POLR1C: variants seen among roughly 807,000 people sequenced by gnomAD.
The protein encoded by POLR1C is DNA-directed RNA polymerases I and III subunit RPAC1.
Under a neutral mutation model 38.3 loss-of-function variants are expected in POLR1C, and 42 were observed. That is an observed-to-expected ratio of 1.10 (90% CI 0.86 to 1.42). POLR1C has a LOEUF of 1.42. Ranked by LOEUF, POLR1C falls within the 40% of genes most tolerant of loss-of-function variation. The pLI, the probability that POLR1C is intolerant of heterozygous loss-of-function variation, is 0.00. For missense variants in POLR1C, 507 were observed against 450.5 expected (o/e 1.13, Z -1.14); for synonymous variants, 163 against 163.9 (o/e 0.99, Z 0.04).
chr6:43,530,534 T>G, downstream of POLR1C: 1 of 895,450 alleles, frequency 1.1e-6, no homozygotes, highest in Non-Finnish European at 1.6e-6. Context: ...TTCCCTGCAA[T>G]CTGCCAGTGT....
chr6:43,520,355 G>C lies in POLR1C; in HGVS notation c.583G>C (p.Asp195His), dbSNP rs759760533. Residue 195 changes from aspartate (D) to histidine (H), a missense_variant, in exon 6 of 9, where the codon GAT becomes CAT. Asp to His is a moderately conservative substitution (Grantham distance 81). Transcript: ENST00000642195. ...FPEGTIRPVH[D>H]DILIAQLRPG... ...AGAGGGCACTATCCGACCAGTGCATGATGATATCCTCATCGCTCAGCTGCG... is the reference window on the plus strand; with the variant it reads ...AGAGGGCACTATCCGACCAGTGCATCATGATATCCTCATCGCTCAGCTGCG... 6.2e-5 allele frequency: 100 copies of C among 1,613,650 alleles called. No homozygotes were observed. In the Admixed American group the frequency reaches 1.6e-3, roughly 26 times the overall value.
At chr6:43,528,472 C>T (rs1402876549) in intron 8 of POLR1C, among the ~76,000 whole-genome samples, 1 of 151,968 alleles carries the variant, frequency 6.6e-6, no homozygotes, top group Non-Finnish European at 1.5e-5. Flanking sequence ...GGTCTCTAGA[C>T]ATACCTGTTC....
downstream of POLR1C, among the ~76,000 whole-genome samples, chr6:43,532,287 C>T (rs1413251201): frequency 1.3e-5 from 2 of 152,208 alleles, no homozygotes; most frequent in Non-Finnish European, 2.9e-5. Flanking sequence ...CTGAAACAGA[C>T]AGACATGAGT....
intron 8 of POLR1C, chr6:43,527,416 C>T: frequency 2.3e-6 from 1 of 433,038 alleles, no homozygotes; most frequent in Non-Finnish European, 4.2e-6. Context: ...GGACTACAGG[C>T]CTGCGCGCCA....
chr6:43,529,378 TAAAA>T (rs35493258), exon 9 of POLR1C: 814 of 120,152 alleles, frequency 6.8e-3, no homozygotes, highest in South Asian at 9.7e-3. Context: ...CCGTCTCTAC[TAAAA>T]AAAAAAAAAA....
intron 9 of POLR1C, among the ~76,000 whole-genome samples, chr6:43,538,109 G>A (rs1269742905): frequency 1.5e-5 from 2 of 135,782 alleles, no homozygotes; most frequent in African/African-American, 2.7e-5. Context: ...AAAAGGCAAG[G>A]AACTTATAAA....
rs142623451 is a variant in POLR1C at position 43,534,943 on chromosome 6, C to T, written c.*4+5584C>T. 4.3e-4 allele frequency among the ~76,000 whole-genome samples: 65 copies of T among 151,870 alleles called. No individual in the cohort carries two copies. The East Asian group carries it at 0.011, about 26-fold the overall frequency. ...TTGCGAGGCAGAGGTTGTGGTGAGCCGAGATCATACCACTGCACTCCAGCC... is the reference window on the plus strand; with the variant it reads ...TTGCGAGGCAGAGGTTGTGGTGAGCTGAGATCATACCACTGCACTCCAGCC... On this transcript the variant is annotated intron_variant, in intron 9 of 10. Transcript: ENST00000607635.
intron 3 of POLR1C, 87 bp from the exon 4 acceptor site, chr6:43,519,619 C>G (rs1793031299): frequency 2.6e-6 from 4 of 1,544,918 alleles, no homozygotes; most frequent in African/African-American, 1.4e-5. Context: ...AGAGAGATAG[C>G]TCCCTACCTC....
At chr6:43,537,402 C>A (rs1200665977) in intron 9 of POLR1C, among the ~76,000 whole-genome samples, 1 of 152,098 alleles carries the variant, frequency 6.6e-6, no homozygotes, top group Non-Finnish European at 1.5e-5. Context: ...TGCTAAAAAA[C>A]TGAACTGGTA....
intron 9 of POLR1C, among the ~76,000 whole-genome samples, chr6:43,538,082 CAAAAAAAAAA>C (rs1217531011): frequency 2.8e-5 from 1 of 36,130 alleles, no homozygotes; most frequent in Non-Finnish European, 5.8e-5. Context: ...AAGATGGTCT[CAAAAAAAAAA>C]AAAAAAAAAA....
chr6:43,558,403 G>A (rs1405017985), intron 10 of POLR1C: 2 of 1,086,922 alleles, frequency 1.8e-6, no homozygotes, highest in African/African-American at 3.2e-5. Flanking sequence ...CAGATTTGGG[G>A]ATCTTTCGTA....
At chr6:43,551,757 C>G (rs919061563) in intron 10 of POLR1C, among the ~76,000 whole-genome samples, 2 of 152,084 alleles carry the variant, frequency 1.3e-5, no homozygotes, top group African/African-American at 4.8e-5. Flanking sequence ...TCTCAAACTC[C>G]TGGTTTCAAG....
Position 43,521,162 on chromosome 6 carries a change from AGT to A in POLR1C, c.923-17_923-16del, listed in dbSNP as rs1336856888. The A allele has an allele frequency of 6.2e-7, 1 of 1,613,486 alleles. No homozygotes were observed. Among genetic ancestry groups the A allele is most frequent in the Non-Finnish European group, 8.5e-7 (1 of 1,179,532 alleles). ...TACAGGCAAGCCCTGCCTAGACTAA[AGT>A]GTCTCTTTGGTCCCCAGTCTCTGTT... On this transcript the variant is annotated intron_variant, in intron 8 of 8. Coordinates refer to ENST00000642195, the MANE Select transcript of POLR1C (RefSeq NM_203290.4).
chr6:43,545,722 AC>A (rs1266814524), intron 9 of POLR1C, among the ~76,000 whole-genome samples: 5 of 140,396 alleles, frequency 3.6e-5, no homozygotes, highest in African/African-American at 1.3e-4. Context: ...AAACAAACAA[AC>A]AAAAAAAAAA....
chr6:43,531,134 GTA>G (rs1793949090), downstream of POLR1C, among the ~76,000 whole-genome samples: 1 of 152,204 alleles, frequency 6.6e-6, no homozygotes, highest in African/African-American at 2.4e-5. Context: ...CCCACAACCA[GTA>G]TCCAGCCACC....
At chr6:43,539,486 A>G (rs1448043560) in intron 9 of POLR1C, 8 of 1,575,766 alleles carry the variant, frequency 5.1e-6, no homozygotes, top group Non-Finnish European at 6.9e-6. Context: ...CTTGATCTTC[A>G]TGTCCTTGAC....
At chr6:43,534,826 T>C (rs1794217038) in intron 9 of POLR1C, among the ~76,000 whole-genome samples, 2 of 151,364 alleles carry the variant, frequency 1.3e-5, no homozygotes, top group South Asian at 4.2e-4. Flanking sequence ...AGGGAAACCC[T>C]GTCTCTACTA....
Position 43,560,792 on chromosome 6 carries a change from TGACAC to T in POLR1C, c.*49-607_*49-603del. On this transcript the variant is annotated intron_variant, in intron 10 of 10. Transcript: ENST00000607635. ...AGAGCCAATAATTCTCTTAATGAAA[TGACAC>T]TACGGTCATTCCCCAAGGCCTGAAG... The T allele has an allele frequency of 4.0e-6, 3 of 747,764 alleles. No individual in the cohort carries two copies. The South Asian group carries it at 5.2e-5, about 13-fold the overall frequency. The allele number at this position is 747,764 out of a possible 1,614,324, so 46.3% of individuals were successfully genotyped here. A position where few individuals can be genotyped will look rare whatever the true frequency, so the allele number is the denominator to read the frequency against.
chr6:43,526,707 A>T (rs201381275), intron 8 of POLR1C: 1 of 1,613,958 alleles, frequency 6.2e-7, no homozygotes, highest in East Asian at 2.2e-5. Context: ...CTGGGGGAGC[A>T]CTACTGTGGT....
Sources: gnomAD v4.1 joint callset for allele counts (sites outside exome capture counted in the v4.1 genomes callset) on GRCh38, gnomAD v4.1.1 for gene constraint, MANE v1.5 for transcripts, NCBI Gene and HGNC (gene_info 2026-07-23, HGNC 2026-07-21) for gene names.